NKAIN2: variants seen among roughly 807,000 people sequenced by gnomAD.
NKAIN2 encodes sodium/potassium transporting ATPase interacting 2.
Under a neutral mutation model 32.6 loss-of-function variants are expected in NKAIN2, and 14 were observed. That is an observed-to-expected ratio of 0.43 (90% CI 0.28 to 0.67). NKAIN2 has a LOEUF of 0.67. NKAIN2 is among the 30% of genes least tolerant of loss of function. NKAIN2 has a pLI of 0.17. For missense variants in NKAIN2, 198 were observed against 258.3 expected (o/e 0.77, Z 1.60); for synonymous variants, 80 against 87.2 (o/e 0.92, Z 0.46).
At chr6:123,879,955 T>A (rs996410501) in intron 1 of NKAIN2, among the ~76,000 whole-genome samples, 2 of 152,188 alleles carry the variant, frequency 1.3e-5, no homozygotes, top group African/African-American at 2.4e-5. Context: ...CTCCCTGGTG[T>A]CTTGGGGGAA....
At chr6:124,403,000 C>T (rs1773693389) in intron 3 of NKAIN2, among the ~76,000 whole-genome samples, 1 of 152,088 alleles carries the variant, frequency 6.6e-6, no homozygotes, top group Non-Finnish European at 1.5e-5. Context: ...TCTTCTTGGT[C>T]CTTGCATTGT....
chr6:124,027,571 C>T (rs546332206), intron 1 of NKAIN2, among the ~76,000 whole-genome samples: 46 of 152,208 alleles, frequency 3.0e-4, no homozygotes, highest in Middle Eastern at 3.4e-3. Flanking sequence ...CCACAGGAAA[C>T]GCGTATGTAT....
intron 1 of NKAIN2, among the ~76,000 whole-genome samples, chr6:124,193,243 C>T (rs200068757): frequency 2.0e-5 from 3 of 152,190 alleles, no homozygotes; most frequent in Non-Finnish European, 1.5e-5. Context: ...GCAAACAGGG[C>T]TCAGTTCGCA....
intron 1 of NKAIN2, among the ~76,000 whole-genome samples, chr6:124,158,107 C>A (rs999768770): frequency 1.3e-5 from 2 of 152,266 alleles, no homozygotes; most frequent in Admixed American, 6.5e-5. Flanking sequence ...GTGGCTTAAA[C>A]AACAACAATT....
At chr6:124,559,469 G>A (rs1036515653) in intron 3 of NKAIN2, among the ~76,000 whole-genome samples, 8 of 152,064 alleles carry the variant, frequency 5.3e-5, no homozygotes, top group Admixed American at 1.3e-4. Context: ...TCTCAACTAC[G>A]CACTTCTCAA....
At chr6:124,066,973 C>T (rs567382238) in intron 1 of NKAIN2, among the ~76,000 whole-genome samples, 12 of 152,138 alleles carry the variant, frequency 7.9e-5, no homozygotes, top group Admixed American at 3.3e-4. Flanking sequence ...GTCAATCTAA[C>T]GCAGCTTTCT....
At chr6:124,064,591 T>C (rs1025688366) in intron 1 of NKAIN2, among the ~76,000 whole-genome samples, 8 of 152,176 alleles carry the variant, frequency 5.3e-5, no homozygotes, top group Non-Finnish European at 1.2e-4. Context: ...AACTGAAAGA[T>C]GTCCAGATAT....
At chr6:124,558,355 C>T (rs1408135644) in intron 3 of NKAIN2, among the ~76,000 whole-genome samples, 2 of 152,166 alleles carry the variant, frequency 1.3e-5, no homozygotes, top group African/African-American at 4.8e-5. Flanking sequence ...CTTGTGGCAA[C>T]ATTTATAGAT....
intron 6 of NKAIN2, among the ~76,000 whole-genome samples, chr6:124,819,784 A>T (rs1057316900): frequency 6.6e-6 from 1 of 152,178 alleles, no homozygotes; most frequent in African/African-American, 2.4e-5. Flanking sequence ...CCATATGCAG[A>T]TGACACTGGA....
intron 1 of NKAIN2, among the ~76,000 whole-genome samples, chr6:124,000,245 A>G (rs915218929): frequency 6.6e-6 from 1 of 152,048 alleles, no homozygotes; most frequent in East Asian, 1.9e-4. Context: ...CCACATATAC[A>G]TCTATTTTCT....
intron 1 of NKAIN2, among the ~76,000 whole-genome samples, chr6:124,087,115 C>T (rs963427635): frequency 6.6e-6 from 1 of 151,884 alleles, no homozygotes; most frequent in Non-Finnish European, 1.5e-5. Flanking sequence ...AATGCTGGTT[C>T]AACATGTAAA....
chr6:124,538,341 T>C (rs913361081), intron 3 of NKAIN2, among the ~76,000 whole-genome samples: 3 of 152,116 alleles, frequency 2.0e-5, no homozygotes, highest in Non-Finnish European at 4.4e-5. Flanking sequence ...TTGGTAGAAA[T>C]GTCTTGGTTT....
At chr6:124,711,583 T>C (rs1357921290) in intron 4 of NKAIN2, among the ~76,000 whole-genome samples, 1 of 150,976 alleles carries the variant, frequency 6.6e-6, no homozygotes, top group Non-Finnish European at 1.5e-5. Context: ...CTTCCATTGC[T>C]GATACCCTTT....
intron 3 of NKAIN2, among the ~76,000 whole-genome samples, chr6:124,629,175 G>C (rs548649251): frequency 6.6e-6 from 1 of 152,262 alleles, no homozygotes; most frequent in East Asian, 1.9e-4. Flanking sequence ...TGAGAAATAA[G>C]TACCTTTTCA....
chr6:124,083,036 CT>C (rs1784044410), intron 1 of NKAIN2, among the ~76,000 whole-genome samples: 1 of 151,904 alleles, frequency 6.6e-6, no homozygotes, highest in African/African-American at 2.4e-5. Context: ...AAAACATAGA[CT>C]GCTTTTTATT....
intron 1 of NKAIN2, among the ~76,000 whole-genome samples, chr6:123,894,790 C>T (rs1042770720): frequency 6.6e-6 from 1 of 151,882 alleles, no homozygotes; most frequent in Non-Finnish European, 1.5e-5. Flanking sequence ...AGGAGATTCC[C>T]CTGAACTCAA....
At chr6:124,624,310 C>G (rs549402693) in intron 3 of NKAIN2, among the ~76,000 whole-genome samples, 1 of 152,202 alleles carries the variant, frequency 6.6e-6, no homozygotes, top group South Asian at 2.1e-4. Flanking sequence ...TTTGTCCACT[C>G]TAGAAGAATA....
At chr6:124,386,102 A>G (rs1772888369) in intron 3 of NKAIN2, among the ~76,000 whole-genome samples, 1 of 152,078 alleles carries the variant, frequency 6.6e-6, no homozygotes, top group Admixed American at 6.6e-5. Context: ...AAACAGAAAG[A>G]AGTCAGAAGG....
At chr6:124,500,342 T>C (rs902959844) in intron 3 of NKAIN2, among the ~76,000 whole-genome samples, 2 of 152,078 alleles carry the variant, frequency 1.3e-5, no homozygotes, top group Non-Finnish European at 2.9e-5. Flanking sequence ...CAACCCTTTT[T>C]TTTTAATCTA....
Sources: gnomAD v4.1 joint callset for allele counts (sites outside exome capture counted in the v4.1 genomes callset) on GRCh38, gnomAD v4.1.1 for gene constraint, MANE v1.5 for transcripts, NCBI Gene and HGNC (gene_info 2026-07-23, HGNC 2026-07-21) for gene names.